The following PARP1 variants were observed in gnomAD, a reference collection of about 807,000 sequenced individuals.
PARP1 encodes the protein poly [ADP-ribose] polymerase 1.
PARP1 carries 44 observed loss-of-function variants against 118.7 expected under a neutral mutation model. The observed-to-expected ratio is 0.37, with a 90% CI of 0.29 to 0.48. The LOEUF is 0.48. Ranked by LOEUF, PARP1 falls within the 20% of genes least tolerant of loss-of-function variation. The pLI is 0.99. For synonymous variants in PARP1, 492 were observed against 483.2 expected (o/e 1.02, Z -0.24); for missense variants, 1,100 against 1,272.4 (o/e 0.86, Z 2.06).
intron 1 of PARP1, among the ~76,000 whole-genome samples, chr1:226,403,953 G>A (rs182590491): frequency 2.6e-5 from 4 of 152,306 alleles, no homozygotes; most frequent in African/African-American, 7.2e-5. Context: ...TCTCCACTGT[G>A]AGTGGCCTCT....
Position 226,361,966 on chromosome 1 carries a change from T to C in PARP1, c.2963+3A>G. 1 of 1,519,594 alleles carries C rather than the reference T, an allele frequency of 6.6e-7. No individual in the cohort carries two copies. The highest frequency in any genetic ancestry group is 9.1e-7 in the Non-Finnish European group (1 of 1,093,596). The allele number at this position is 1,519,594 out of a possible 1,614,324, so 94.1% of individuals were successfully genotyped here. A position where few individuals can be genotyped will look rare whatever the true frequency, so the allele number is the denominator to read the frequency against. ...CTCACACAGCATACTCAAGAAAGGA[T>C]ACTCGTTATATAGTAGAGAGGTGTC... On this transcript the variant is annotated splice_donor_region_variant and intron_variant, in intron 22 of 22. Transcript: ENST00000366794.
chr1:226,378,167 C>A (rs1379415153), intron 12 of PARP1, among the ~76,000 whole-genome samples: 15 of 152,114 alleles, frequency 9.9e-5, no homozygotes. Context: ...GAAATCTAAG[C>A]CACCAGAAAA....
chr1:226,378,230 C>A (rs756950119), intron 12 of PARP1, among the ~76,000 whole-genome samples: 1 of 152,066 alleles, frequency 6.6e-6, no homozygotes, highest in Non-Finnish European at 1.5e-5. Flanking sequence ...CTTCCACATG[C>A]CTTTACACTG....
At chr1:226,375,544 A>G (rs1664471498) in intron 13 of PARP1, among the ~76,000 whole-genome samples, 1 of 152,218 alleles carries the variant, frequency 6.6e-6, no homozygotes. Flanking sequence ...TACAGTAGCC[A>G]CTGGCCAAAC....
At chr1:226,369,577 C>A (rs1410311784) in intron 15 of PARP1, among the ~76,000 whole-genome samples, 2 of 152,200 alleles carry the variant, frequency 1.3e-5, no homozygotes, top group African/African-American at 2.4e-5. Context: ...TCCACTTATA[C>A]ACAGATGTTT....
rs3219135 is a variant in PARP1, at chr1:226,366,559, T to C, written c.2407-507A>G. The C allele has an allele frequency of 6.4e-3, 1,000 of 155,816 alleles. 13 individuals carry two copies. Among genetic ancestry groups the C allele is most frequent in the African/African-American group, 0.023 (946 of 41,602 alleles). 9.7% of individuals were successfully genotyped at this position (155,816 alleles called of 1,614,324 possible). A position where few individuals can be genotyped will look rare whatever the true frequency, so the allele number is the denominator to read the frequency against. On this transcript the variant is annotated intron_variant, in intron 17 of 22. Coordinates refer to ENST00000366794, the MANE Select transcript of PARP1 (RefSeq NM_001618.4). ...TGAGTATTACGGAGGAGACTAGTTA[T>C]GTTTTATTTTCATATTTATATTCAA...
In PARP1 at chr1:226,402,236, T is replaced by G. The variant is rs200812750; in HGVS notation, c.264A>C (p.Thr88=). 6.2e-7 allele frequency: 1 copy of G among 1,614,252 alleles called. No individual in the cohort carries two copies. Among genetic ancestry groups the G allele is most frequent in the South Asian group, 1.1e-5 (1 of 91,090 alleles). ...CACCTGTCACTCCTCCAGCTTCCGC[T>G]GTCTTCTTGACTTTCTGCTGGTCAT... ...RWDDQQKVKK[T]AEAGGVTGKG... The change falls in exon 2 of 23, where the codon ACA becomes ACC. Residue 88 remains threonine (T), a synonymous_variant. Transcript: ENST00000366794.
Position 226,365,028 on chromosome 1 carries a change from G to C in PARP1, c.2632C>G (p.Arg878Gly). Residue 878 changes from arginine (R) to glycine (G), a missense_variant, in exon 19 of 23, where the codon CGG (arginine) becomes GGG (glycine). Physicochemically the swap from Arg to Gly is moderately radical, Grantham distance 125 (BLOSUM62 -2). Transcript: ENST00000366794. ...NFAGILSQGL[R>G]IAPPEAPVTG... ...ACGGGCGCTTCAGGCGGGGCTATCC[G>C]AAGACCCTGGGACAGGATCCCAGCA... 6.2e-7 allele frequency: 1 copy of C among 1,614,138 alleles called. No homozygotes were observed. Among genetic ancestry groups the C allele is most frequent in the Non-Finnish European group, 8.5e-7 (1 of 1,180,046 alleles).
At chr1:226,399,219 C>T (rs2793381) in intron 2 of PARP1, among the ~76,000 whole-genome samples, 31,867 of 151,590 alleles carry the variant, frequency 0.21, 3,815 homozygotes, top group East Asian at 0.47. Flanking sequence ...ACTACAGGTG[C>T]ACACCACCAC....
intron 7 of PARP1, among the ~76,000 whole-genome samples, chr1:226,385,053 T>A (rs1266421431): frequency 6.6e-6 from 1 of 152,170 alleles, no homozygotes; most frequent in Non-Finnish European, 1.5e-5. Context: ...CCATAAGCAG[T>A]TCCATTAAAA....
At chr1:226,390,211 T>C (rs918568410) in intron 4 of PARP1, among the ~76,000 whole-genome samples, 199 bp downstream of exon 4, 5 of 151,952 alleles carry the variant, frequency 3.3e-5, no homozygotes, top group African/African-American at 1.2e-4. Context: ...GCAGAGGCCA[T>C]GGGAACCCCT....
At chr1:226,374,176 AT>A in intron 14 of PARP1, 49 bp downstream of exon 14, 1 of 1,608,796 alleles carries the variant, frequency 6.2e-7, no homozygotes, top group Non-Finnish European at 8.5e-7. Context: ...AGCTCAGCAA[AT>A]AATCATCCAC....
At position 226,383,377 on chromosome 1, in the gene PARP1, C is replaced by T. The variant is rs146105046; in HGVS notation, c.1012-194G>A. On this transcript the variant is annotated intron_variant, in intron 7 of 22. Transcript: ENST00000366794. ...TTATTGCTGCTACAGTACTTATTTCCGGTACTTTTACATTTATAATAGGGC... is the reference window on the plus strand; with the variant it reads ...TTATTGCTGCTACAGTACTTATTTCTGGTACTTTTACATTTATAATAGGGC... Among the ~76,000 whole-genome samples the T allele has an allele frequency of 6.2e-3, 944 of 152,140 alleles. 7 individuals carry two copies. The highest frequency in any genetic ancestry group is 0.022 in the African/African-American group (913 of 41,476).
intron 12 of PARP1, among the ~76,000 whole-genome samples, chr1:226,378,273 G>A (rs1296124652): frequency 1.3e-5 from 2 of 151,894 alleles, no homozygotes; most frequent in African/African-American, 2.4e-5. Flanking sequence ...TGGCTGTACT[G>A]AGGGGCAATG....
In PARP1 at chr1:226,381,127, T is replaced by G; in HGVS notation, c.1241A>C (p.Lys414Thr). ...NKDEVKAMIE[K>T]LGGKLTGTAN... Reference sequence around the variant, plus strand: ...CGTCCCCGTCAACTTCCCCCCGAGTTTCTCAATCATGGCCTTCACTTCATC... The same window carrying G: ...CGTCCCCGTCAACTTCCCCCCGAGTGTCTCAATCATGGCCTTCACTTCATC... Residue 414 changes from lysine (K) to threonine (T), a missense_variant, in exon 9 of 23, where the codon AAA becomes ACA. Transcript: ENST00000366794. The G allele has an allele frequency of 1.2e-6, 2 of 1,614,122 alleles. No individual in the cohort carries two copies. The highest frequency in any genetic ancestry group is 1.7e-6 in the Non-Finnish European group (2 of 1,180,004).
chr1:226,392,293 C>T lies in PARP1; in HGVS notation c.308G>A (p.Gly103Asp). The change falls in exon 3 of 23, where the codon GGT becomes GAT. Residue 103 changes from glycine to aspartate, a missense_variant. Coordinates refer to ENST00000366794, the MANE Select transcript of PARP1 (RefSeq NM_001618.4). The part of the protein sequence containing the change: ...GVTGKGQDGI[G>D]SKAEKTLGDF... ...ACCCAGAGTCTTCTCTGCCTTGCTA[C>T]CAATTCCATCCTGGCCTTTGCCTGG... 6.2e-7 allele frequency: 1 copy of T among 1,613,848 alleles called. No individual in the cohort carries two copies. Among genetic ancestry groups the T allele is most frequent in the East Asian group, 2.2e-5 (1 of 44,878 alleles).
In PARP1 at chr1:226,383,195, TAA is replaced by T. The variant is rs1664654471; in HGVS notation, c.1012-14_1012-13del. ...ATTTCTCGGAATTCCTAAAAAATAT[TAA>T]GTTTTAGTTAAGAAGCCAGCTCTCC... On this transcript the variant is annotated splice_polypyrimidine_tract_variant and intron_variant, in intron 7 of 22. Transcript: ENST00000366794. 2 of 1,611,184 alleles carry T rather than the reference TAA, an allele frequency of 1.2e-6. No homozygotes were observed. Among genetic ancestry groups the T allele is most frequent in the Non-Finnish European group, 8.5e-7 (1 of 1,178,182 alleles).
rs1664787135 is a variant in PARP1, at chr1:226,389,716, T to A, written c.617+694A>T. Among the ~76,000 whole-genome samples the A allele has an allele frequency of 5.3e-5, 8 of 152,196 alleles. No individual in the cohort carries two copies. In the South Asian group the frequency reaches 1.7e-3, roughly 31 times the overall value. On this transcript the variant is annotated intron_variant, in intron 4 of 22. Transcript: ENST00000366794. ...GTGCTGCTGCAATGAACAGGCGTTA[T>A]GAACTGAGATAATGTGTGATGGCTG...
At chr1:226,396,557 T>C (rs1053853646) in intron 2 of PARP1, among the ~76,000 whole-genome samples, 5 of 152,168 alleles carry the variant, frequency 3.3e-5, no homozygotes, top group African/African-American at 1.2e-4. Context: ...ATTTCTGAAT[T>C]AGAGGATTTG....
Sources: allele counts gnomAD v4.1 joint callset (sites outside exome capture counted in the v4.1 genomes callset), GRCh38; gene constraint gnomAD v4.1.1; transcripts MANE v1.5; gene names NCBI Gene and HGNC (gene_info 2026-07-23, HGNC 2026-07-21).